The following ADGRL3 variants were observed in gnomAD, a reference collection of about 807,000 sequenced individuals.
ADGRL3 encodes calcium-independent alpha-latrotoxin receptor 3.
Under a neutral mutation model 153.5 loss-of-function variants are expected in ADGRL3, and 62 were observed. The observed-to-expected ratio is 0.40, with a 90% CI of 0.33 to 0.50. The LOEUF (loss-of-function observed/expected upper bound fraction) is 0.50. Ranked by LOEUF, ADGRL3 falls within the 20% of genes least tolerant of loss-of-function variation. ADGRL3 has a pLI of 0.47. For missense variants in ADGRL3, 1,641 were observed against 1,859.4 expected (o/e 0.88, Z 2.16); for synonymous variants, 710 against 672.5 (o/e 1.06, Z -0.86).
At chr4:61,661,882 G>A (rs541391661) in intron 5 of ADGRL3, among the ~76,000 whole-genome samples, 116 of 152,256 alleles carry the variant, frequency 7.6e-4, no homozygotes, top group Non-Finnish European at 1.4e-3. Context: ...CATTAAGTAT[G>A]TATTTATCTG....
chr4:61,406,635 A>G (rs1049811661), intron 2 of ADGRL3, among the ~76,000 whole-genome samples: 1 of 151,926 alleles, frequency 6.6e-6, no homozygotes, highest in Non-Finnish European at 1.5e-5. Flanking sequence ...ATTAAAAAAT[A>G]CTAGGATATA....
intron 1 of ADGRL3, among the ~76,000 whole-genome samples, chr4:61,355,763 T>C (rs577861553): frequency 6.6e-6 from 1 of 152,146 alleles, no homozygotes; most frequent in South Asian, 2.1e-4. Context: ...CCTATGGGAG[T>C]TATAGATCTA....
intron 3 of ADGRL3, among the ~76,000 whole-genome samples, chr4:61,506,011 A>G (rs1271485530): frequency 1.3e-5 from 2 of 152,090 alleles, no homozygotes. Context: ...TTACAGTATC[A>G]TCTAATCTAA....
chr4:62,053,167 G>C (rs992550037), intron 25 of ADGRL3, among the ~76,000 whole-genome samples: 6 of 151,300 alleles, frequency 4.0e-5, no homozygotes, highest in African/African-American at 1.5e-4. Context: ...ATTAATTTCT[G>C]TCTGCTTTTG....
At chr4:61,921,511 C>T (rs1384865903) in intron 13 of ADGRL3, among the ~76,000 whole-genome samples, 1 of 152,096 alleles carries the variant, frequency 6.6e-6, no homozygotes, top group African/African-American at 2.4e-5. Context: ...CTCTGCCTCC[C>T]GGGTTCAAGC....
intron 2 of ADGRL3, among the ~76,000 whole-genome samples, chr4:61,450,522 T>C (rs1205232616): frequency 6.6e-6 from 1 of 152,198 alleles, no homozygotes; most frequent in Non-Finnish European, 1.5e-5. Context: ...TGAGTTCTTT[T>C]ACACTTAATA....
chr4:61,696,482 T>C (rs2095644580), intron 6 of ADGRL3, among the ~76,000 whole-genome samples: 1 of 152,126 alleles, frequency 6.6e-6, no homozygotes. Context: ...GATTTATTAA[T>C]TTAACTATTT....
Position 61,948,192 on chromosome 4 carries a change from C to T in ADGRL3, c.2721C>T (p.Leu907=). The T allele has an allele frequency of 6.2e-7, 1 of 1,613,756 alleles. No individual in the cohort carries two copies. Among genetic ancestry groups the T allele is most frequent in the Non-Finnish European group, 8.5e-7 (1 of 1,179,824 alleles). ...ATTGGTCAACACAAGGCTGTCGGCT[C>T]CTGACAACAAATAAGACACATACTA... ...TGYWSTQGCR[L]LTTNKTHTTC... is the part of the protein sequence containing the mutation. The change falls in exon 17 of 27, where the codon CTC becomes CTT. Residue 907 remains leucine (L), a synonymous_variant. Coordinates refer to ENST00000683033, the MANE Select transcript of ADGRL3 (RefSeq NM_001387552.1).
chr4:61,320,614 C>G (rs2095336091), intron 1 of ADGRL3, among the ~76,000 whole-genome samples: 1 of 152,068 alleles, frequency 6.6e-6, no homozygotes, highest in Non-Finnish European at 1.5e-5. Flanking sequence ...TAAGGCCTGC[C>G]CATATTATGA....
At chr4:62,022,029 C>G (rs534288267) in intron 21 of ADGRL3, among the ~76,000 whole-genome samples, 4 of 152,276 alleles carry the variant, frequency 2.6e-5, no homozygotes, top group African/African-American at 4.8e-5. Flanking sequence ...GAAGGCATGT[C>G]GAAAGCTGAG....
intron 5 of ADGRL3, among the ~76,000 whole-genome samples, chr4:61,623,136 A>G (rs1234687082): frequency 6.6e-6 from 1 of 152,136 alleles, no homozygotes; most frequent in African/African-American, 2.4e-5. Flanking sequence ...ACGTATACCA[A>G]TTTGAAGAAC....
chr4:61,983,091 C>A (rs2099074037), intron 18 of ADGRL3, among the ~76,000 whole-genome samples: 1 of 152,010 alleles, frequency 6.6e-6, no homozygotes, highest in Non-Finnish European at 1.5e-5. Context: ...ACGCTAATAT[C>A]AGAAATAATT....
rs549549282 is a variant in ADGRL3 at position 61,371,535 on chromosome 4, C to T, written c.-239-11589C>T. On this transcript the variant is annotated intron_variant, in intron 1 of 26. Transcript: ENST00000683033. ...GAAATTCTGGGTTGAAAATTCTTTT[C>T]TTTAAGAATGTTGAATATTGGCCCC... 4.9e-3 allele frequency among the ~76,000 whole-genome samples: 750 copies of T among 151,556 alleles called. 6 individuals are homozygous for T. The highest frequency in any genetic ancestry group is 0.017 in the African/African-American group (693 of 41,436).
chr4:61,868,972 C>T (rs983028561), intron 9 of ADGRL3, among the ~76,000 whole-genome samples: 2 of 152,152 alleles, frequency 1.3e-5, no homozygotes, highest in African/African-American at 2.4e-5. Context: ...TATATGCCAC[C>T]AGGCTAGAGT....
rs112420849 is a variant in ADGRL3, at chr4:61,784,383, T to C, written c.1400-29426T>C. 2.1e-3 allele frequency among the ~76,000 whole-genome samples: 314 copies of C among 152,166 alleles called. 3 individuals carry two copies. The highest frequency in any genetic ancestry group is 7.2e-3 in the African/African-American group (300 of 41,540). On this transcript the variant is annotated intron_variant, in intron 8 of 26. Transcript: ENST00000683033. ...GAGACTCTGCTTGACATGTGAACAA[T>C]GACAAAAACCCCTTAATTCATTTTA... is the stretch of plus-strand genomic sequence containing the variant.
chr4:62,007,410 G>GTA (rs1159334149), intron 21 of ADGRL3, among the ~76,000 whole-genome samples: 33 of 29,068 alleles, frequency 1.1e-3, no homozygotes, highest in South Asian at 2.2e-3. Flanking sequence ...ATATATACAC[G>GTA]TATATATATA....
At chr4:61,261,270 G>T (rs577123968) in intron 1 of ADGRL3, among the ~76,000 whole-genome samples, 2 of 147,960 alleles carry the variant, frequency 1.4e-5, no homozygotes, top group Non-Finnish European at 3.0e-5. Context: ...AGGCTCAAGA[G>T]ATCCTCCTGC....
chr4:61,819,743 C>T (rs778154065), intron 9 of ADGRL3, among the ~76,000 whole-genome samples: 1 of 152,046 alleles, frequency 6.6e-6, no homozygotes, highest in Non-Finnish European at 1.5e-5. Flanking sequence ...GAGAAGACTG[C>T]TTCAGATACT....
At chr4:61,236,014 T>TC (rs1553883002) in intron 1 of ADGRL3, among the ~76,000 whole-genome samples, 1 of 140,664 alleles carries the variant, frequency 7.1e-6, no homozygotes, top group African/African-American at 2.6e-5. Context: ...TTTTCTTTTT[T>TC]TTTTTTTTTT....
Sources: gnomAD v4.1 joint callset for allele counts (sites outside exome capture counted in the v4.1 genomes callset) on GRCh38, gnomAD v4.1.1 for gene constraint, MANE v1.5 for transcripts, NCBI Gene and HGNC (gene_info 2026-07-23, HGNC 2026-07-21) for gene names.